Variants in BLTP3A observed in about 807,000 individuals in gnomAD.
BLTP3A encodes bridge-like lipid transfer protein family member 3A.
At chr6:34,823,525 A>T in the BLTP3A span, among the ~76,000 whole-genome samples, 1 of 150,198 alleles carries the variant, frequency 6.7e-6, no homozygotes, top group South Asian at 2.1e-4. Flanking sequence ...ACACTTTGTC[A>T]TTCTTCTTCT....
the BLTP3A span, among the ~76,000 whole-genome samples, chr6:34,826,682 AC>A: frequency 6.6e-6 from 1 of 151,990 alleles, no homozygotes; most frequent in Admixed American, 6.6e-5. Context: ...TACTCTTTAT[AC>A]ATGTTTTTTT....
the BLTP3A span, among the ~76,000 whole-genome samples, chr6:34,849,503 CTATA>C: frequency 6.6e-6 from 1 of 152,038 alleles, no homozygotes; most frequent in Non-Finnish European, 1.5e-5. Context: ...TGTTGTTTTT[CTATA>C]TATTTTATTA....
At chr6:34,798,534 C>G in the BLTP3A span, among the ~76,000 whole-genome samples, 1 of 150,744 alleles carries the variant, frequency 6.6e-6, no homozygotes, top group South Asian at 2.1e-4. Context: ...TATTTTATAT[C>G]CTTGCCAGTG....
At chr6:34,810,058 T>C in the BLTP3A span, among the ~76,000 whole-genome samples, 4 of 152,188 alleles carry the variant, frequency 2.6e-5, no homozygotes, top group African/African-American at 9.6e-5. Flanking sequence ...ATGCCACAAG[T>C]TTACATCATC....
chr6:34,817,941 C>A, the BLTP3A span, among the ~76,000 whole-genome samples: 3 of 151,884 alleles, frequency 2.0e-5, no homozygotes, highest in Admixed American at 6.6e-5. Context: ...GCAAGCTCCG[C>A]CTCCCGGGTT....
At chr6:34,852,816 C>G in the BLTP3A span, among the ~76,000 whole-genome samples, 1 of 152,198 alleles carries the variant, frequency 6.6e-6, no homozygotes, top group East Asian at 1.9e-4. Flanking sequence ...AGTGATGGGG[C>G]TAGCCAGAAC....
the BLTP3A span, among the ~76,000 whole-genome samples, chr6:34,842,851 A>G: frequency 6.6e-6 from 1 of 152,168 alleles, no homozygotes; most frequent in East Asian, 1.9e-4. Flanking sequence ...TCTCAGAGTT[A>G]TATGGTGAGA....
the BLTP3A span, chr6:34,823,438 T>A: frequency 9.3e-7 from 1 of 1,070,740 alleles, no homozygotes; most frequent in East Asian, 2.4e-5. Context: ...ATTATGGACA[T>A]TTTCAAACTT....
chr6:34,852,255 C>T, the BLTP3A span, among the ~76,000 whole-genome samples: 8 of 152,196 alleles, frequency 5.3e-5, no homozygotes, highest in South Asian at 4.2e-4. Context: ...CAGCACAGCC[C>T]GGGGTCTCAA....
chr6:34,828,626 A>AT, the BLTP3A span, among the ~76,000 whole-genome samples: 2 of 151,952 alleles, frequency 1.3e-5, no homozygotes, highest in Non-Finnish European at 2.9e-5. Flanking sequence ...TTATTTCCAG[A>AT]TTTTTTGCTG....
At chr6:34,866,466 T>G in the BLTP3A span, among the ~76,000 whole-genome samples, 2 of 151,980 alleles carry the variant, frequency 1.3e-5, no homozygotes, top group Admixed American at 6.6e-5. Flanking sequence ...TACTGCCCAC[T>G]TTCCTTCATC....
chr6:34,871,788 G>C, the BLTP3A span: 3 of 1,612,686 alleles, frequency 1.9e-6, no homozygotes, highest in Non-Finnish European at 8.5e-7. Flanking sequence ...GCAGCAGTTT[G>C]TCACTTAGAA....
the BLTP3A span, chr6:34,834,978 G>A: frequency 3.1e-6 from 4 of 1,288,958 alleles, no homozygotes; most frequent in Non-Finnish European, 4.3e-6. Context: ...AGTTGAAGGG[G>A]GAAGGCCTGT....
the BLTP3A span, chr6:34,834,527 A>G: frequency 7.1e-7 from 1 of 1,416,780 alleles, no homozygotes; most frequent in Non-Finnish European, 9.6e-7. Context: ...CTGGGAACCC[A>G]GAGGCCTTTC....
the BLTP3A span, among the ~76,000 whole-genome samples, chr6:34,868,552 G>A: frequency 1.2e-4 from 18 of 151,214 alleles, no homozygotes; most frequent in East Asian, 9.9e-4. Flanking sequence ...GTGAAACCCC[G>A]TCTCTACTAA....
chr6:34,792,125 A>T, the BLTP3A span: 2 of 664,598 alleles, frequency 3.0e-6, no homozygotes, highest in Non-Finnish European at 2.0e-6. Flanking sequence ...AGAAAGCGCC[A>T]TGGCGGCGGC....
At chr6:34,828,761 C>T in the BLTP3A span, among the ~76,000 whole-genome samples, 5 of 151,884 alleles carry the variant, frequency 3.3e-5, no homozygotes, top group African/African-American at 1.2e-4. Context: ...GGTACAGTGG[C>T]TCATGCCTGT....
chr6:34,842,644 T>G, the BLTP3A span, among the ~76,000 whole-genome samples: 1 of 150,918 alleles, frequency 6.6e-6, no homozygotes, highest in South Asian at 2.1e-4. Flanking sequence ...GGAGTTCTAT[T>G]TTTTTTTTAA....
the BLTP3A span, among the ~76,000 whole-genome samples, chr6:34,861,315 G>T: frequency 2.6e-5 from 4 of 152,044 alleles, no homozygotes; most frequent in Non-Finnish European, 5.9e-5. Flanking sequence ...TGGTAGAGAT[G>T]GGGTTTTGCC....
Sources: gnomAD v4.1 joint callset for allele counts (sites outside exome capture counted in the v4.1 genomes callset) on GRCh38, gnomAD v4.1.1 for gene constraint, MANE v1.5 for transcripts, NCBI Gene and HGNC (gene_info 2026-07-23, HGNC 2026-07-21) for gene names.